The following MED13L variants were observed in gnomAD, a reference collection of about 807,000 sequenced individuals.
MED13L encodes mediator of RNA polymerase II transcription subunit 13-like.
In MED13L, 7 loss-of-function variants were observed where a neutral mutation model predicts 220.9. The ratio of observed to expected loss-of-function variants is 0.03; its 90% CI spans 0.02 to 0.06. The LOEUF (loss-of-function observed/expected upper bound fraction) is 0.06. MED13L is among the 10% of genes least tolerant of loss of function. The pLI, the probability that MED13L is intolerant of heterozygous loss-of-function variation, is 1.00. For missense variants in MED13L, 1,965 were observed against 2,760.5 expected (o/e 0.71, Z 6.46); for synonymous variants, 1,011 against 1,015.2 (o/e 1.00, Z 0.08).
intron 4 of MED13L, among the ~76,000 whole-genome samples, chr12:116,089,233 A>G (rs1871979341): frequency 6.6e-6 from 1 of 152,138 alleles, no homozygotes; most frequent in Non-Finnish European, 1.5e-5. Flanking sequence ...TCTTTTCTAT[A>G]AAGATGGGAT....
chr12:116,097,582 T>C (rs1872723182), intron 3 of MED13L, among the ~76,000 whole-genome samples: 1 of 152,226 alleles, frequency 6.6e-6, no homozygotes, highest in African/African-American at 2.4e-5. Flanking sequence ...AGGTATTTTC[T>C]TTTTGTAGGC....
In MED13L at chr12:115,991,685, C is replaced by T. The variant is rs888549047; in HGVS notation, c.3269G>A (p.Arg1090Gln). Residue 1090 changes from arginine (R) to glutamine (Q), a missense_variant, in exon 17 of 31, where the codon CGG (arginine) becomes CAG (glutamine). This residue lies in a region of MED13L where 233 missense variants were observed against 306.2 expected (regional missense o/e 0.76). Coordinates refer to ENST00000281928, the MANE Select transcript of MED13L (RefSeq NM_015335.5). The surrounding 1 kb of genome is among the most constrained non-coding windows in gnomAD (Gnocchi z 7.7). ...GGCGGGCTCCACAGAGTTGAGGGGC[C>T]GTGTAGTAGAGGGGGTGGAGGCTGG... is the stretch of plus-strand genomic sequence containing the variant. ...GSPASTPSTT[R>Q]PLNSVEPATM... is the part of the protein sequence containing the mutation. 4 of 1,613,698 alleles carry T rather than the reference C, an allele frequency of 2.5e-6. No individual in the cohort carries two copies. Among genetic ancestry groups the T allele is most frequent in the Non-Finnish European group, 3.4e-6 (4 of 1,179,958 alleles).
chr12:116,056,710 C>G (rs1009735807), intron 4 of MED13L, among the ~76,000 whole-genome samples: 1 of 152,162 alleles, frequency 6.6e-6, no homozygotes, highest in Non-Finnish European at 1.5e-5. Context: ...GAATCATCAT[C>G]AGATAATATT....
At chr12:116,133,852 C>T (rs774525489) in intron 2 of MED13L, among the ~76,000 whole-genome samples, 36 of 152,292 alleles carry the variant, frequency 2.4e-4, no homozygotes, top group African/African-American at 7.2e-4. Flanking sequence ...CTAGTCCACA[C>T]GGAGCAGCCA....
intron 2 of MED13L, among the ~76,000 whole-genome samples, chr12:116,130,494 CT>C (rs1055533722): frequency 6.6e-6 from 1 of 152,186 alleles, no homozygotes; most frequent in African/African-American, 2.4e-5. Context: ...AACTGAAAGG[CT>C]GTTTTAGAAA....
At position 116,007,426 on chromosome 12, in the gene MED13L, G is replaced by T; in HGVS notation, c.2223C>A (p.Ser741=). The part of the protein sequence containing the change: ...KKCKQGTEKD[S]LKKNKSEDGF... ...TAAATGGTACCTTATTCTTTTTCAG[G>T]GAATCTTTCTCCGTCCCTTGTTTGC... Residue 741 remains serine, a synonymous_variant, in exon 11 of 31, where the codon TCC becomes TCA. Transcript: ENST00000281928. The T allele has an allele frequency of 6.2e-7, 1 of 1,612,682 alleles. No individual in the cohort carries two copies. The highest frequency in any genetic ancestry group is 1.1e-5 in the South Asian group (1 of 91,056).
chr12:116,121,670 A>C (rs1263955007), intron 2 of MED13L, among the ~76,000 whole-genome samples: 1 of 152,196 alleles, frequency 6.6e-6, no homozygotes, highest in Non-Finnish European at 1.5e-5. Flanking sequence ...ATTTCCTCTG[A>C]GCTATGATAC....
chr12:116,092,295 C>T (rs75464291), intron 4 of MED13L, among the ~76,000 whole-genome samples: 450 of 152,302 alleles, frequency 3.0e-3, no homozygotes, highest in Non-Finnish European at 5.2e-3. Flanking sequence ...GACTAGGGAT[C>T]CCTTCTCCGC....
At chr12:116,182,512 C>T (rs1642579144) in intron 2 of MED13L, among the ~76,000 whole-genome samples, 1 of 152,208 alleles carries the variant, frequency 6.6e-6, no homozygotes, top group African/African-American at 2.4e-5. Flanking sequence ...TTCTCTTACA[C>T]TAGAGAAGAT....
At chr12:116,202,326 C>T (rs929855098) in intron 2 of MED13L, among the ~76,000 whole-genome samples, 2 of 152,108 alleles carry the variant, frequency 1.3e-5, no homozygotes, top group South Asian at 2.1e-4. Flanking sequence ...ACTAGAGAAG[C>T]TCAATAATGA....
At chr12:116,124,704 G>GT (rs552703899) in intron 2 of MED13L, among the ~76,000 whole-genome samples, 29 of 152,256 alleles carry the variant, frequency 1.9e-4, no homozygotes, top group African/African-American at 6.3e-4. Context: ...CCTGGTGAAG[G>GT]TTTTAACTGT....
Position 116,100,519 on chromosome 12 carries a change from G to C in MED13L, c.396-3767C>G, listed in dbSNP as rs200803151. Among the ~76,000 whole-genome samples, 4 of 145,610 alleles carry C rather than the reference G, an allele frequency of 2.7e-5. No individual in the cohort carries two copies. In the East Asian group the frequency reaches 6.3e-4, roughly 23 times the overall value. On this transcript the variant is annotated intron_variant, in intron 3 of 30. Coordinates refer to ENST00000281928, the MANE Select transcript of MED13L (RefSeq NM_015335.5). ...GGAGGCTGGAGCAAGAGAATCGCTT[G>C]AACCCAGGAGGTAGAGACAGCAGTG...
intron 1 of MED13L, among the ~76,000 whole-genome samples, chr12:116,270,904 T>G (rs1873254491): frequency 6.6e-6 from 1 of 150,978 alleles, no homozygotes; most frequent in East Asian, 2.0e-4. Context: ...TAGCTGGGCA[T>G]AGTGGCGCGC....
At chr12:116,016,185 C>A (rs1391637008) in intron 7 of MED13L, among the ~76,000 whole-genome samples, 1 of 151,856 alleles carries the variant, frequency 6.6e-6, no homozygotes, top group African/African-American at 2.4e-5. Context: ...ATGCAAAACA[C>A]CTTAACGAAA....
At chr12:116,148,663 G>A (rs1205047618) in intron 2 of MED13L, 2 of 174,852 alleles carry the variant, frequency 1.1e-5, no homozygotes, top group Non-Finnish European at 2.7e-5. Flanking sequence ...ATAGATATAA[G>A]TAGTTTATCT....
intron 2 of MED13L, among the ~76,000 whole-genome samples, chr12:116,178,944 A>C (rs769013627): frequency 2.0e-5 from 3 of 152,252 alleles, no homozygotes; most frequent in African/African-American, 4.8e-5. Context: ...AAAGTGTATT[A>C]GAATGAATTT....
intron 3 of MED13L, among the ~76,000 whole-genome samples, chr12:116,110,968 C>A (rs906612578): frequency 6.6e-6 from 1 of 152,108 alleles, no homozygotes; most frequent in African/African-American, 2.4e-5. Context: ...ATGGATTAAT[C>A]TTAGGAGGTT....
intron 2 of MED13L, among the ~76,000 whole-genome samples, chr12:116,206,678 T>C (rs1468237656): frequency 1.3e-5 from 2 of 152,132 alleles, no homozygotes. Context: ...TCCAGAGCAT[T>C]AAAAAGTTAC....
intron 1 of MED13L, among the ~76,000 whole-genome samples, chr12:116,244,107 G>A (rs1350307382): frequency 6.6e-6 from 1 of 152,182 alleles, no homozygotes; most frequent in African/African-American, 2.4e-5. Context: ...TATAGAAAAG[G>A]CAGCTGTGAT....
Sources: gnomAD v4.1 joint callset for allele counts (sites outside exome capture counted in the v4.1 genomes callset) on GRCh38, gnomAD v4.1.1 for gene constraint, gnomAD v4.1.1 regional missense constraint, Gnocchi (gnomAD v3.1) non-coding constraint, MANE v1.5 for transcripts, NCBI Gene and HGNC (gene_info 2026-07-23, HGNC 2026-07-21) for gene names.